The following NUCB2 variants were observed in gnomAD, a reference collection of about 807,000 sequenced individuals.
The protein encoded by NUCB2 is nucleobindin-2.
Under a neutral mutation model 57.9 loss-of-function variants are expected in NUCB2, and 48 were observed. The ratio of observed to expected loss-of-function variants is 0.83; its 90% CI spans 0.66 to 1.05. The LOEUF (loss-of-function observed/expected upper bound fraction) is 1.05. Ranked by LOEUF, NUCB2 falls within the 50% of genes least tolerant of loss-of-function variation. NUCB2 has a pLI of 0.00. For missense variants in NUCB2, 442 were observed against 476.2 expected (o/e 0.93, Z 0.67); for synonymous variants, 139 against 152.1 (o/e 0.91, Z 0.64).
At chr11:17,323,646 C>T (rs900427562) in intron 11 of NUCB2, among the ~76,000 whole-genome samples, 4 of 152,060 alleles carry the variant, frequency 2.6e-5, no homozygotes, top group Admixed American at 2.0e-4. Context: ...GTAGGATTGG[C>T]ATCAGTTTTT....
At chr11:17,285,938 C>T (rs1943669901) in intron 2 of NUCB2, among the ~76,000 whole-genome samples, 1 of 137,736 alleles carries the variant, frequency 7.3e-6, no homozygotes, top group Non-Finnish European at 1.5e-5. Context: ...TGTGCGTACA[C>T]ACACACACAC....
intron 2 of NUCB2, among the ~76,000 whole-genome samples, chr11:17,346,386 G>GA (rs1211669990): frequency 6.6e-6 from 1 of 152,168 alleles, no homozygotes; most frequent in African/African-American, 2.4e-5. Context: ...AAATCATGTG[G>GA]AAAAGCACCT....
At chr11:17,288,786 C>A (rs950631991) in intron 2 of NUCB2, among the ~76,000 whole-genome samples, 3 of 150,042 alleles carry the variant, frequency 2.0e-5, no homozygotes, top group Non-Finnish European at 3.0e-5. Context: ...AACCCCTGAC[C>A]TATGGTGATC....
chr11:17,331,355 C>T (rs1177165173), intron 13 of NUCB2, 57 bp from the exon 14 acceptor site: 1 of 1,021,156 alleles, frequency 9.8e-7, no homozygotes, highest in Non-Finnish European at 1.4e-6. Flanking sequence ...TATGAAGGAA[C>T]ATTTAGAATA....
downstream of NUCB2, among the ~76,000 whole-genome samples, chr11:17,335,543 C>T (rs1277074929): frequency 2.0e-5 from 3 of 151,932 alleles, no homozygotes; most frequent in Admixed American, 2.0e-4. Flanking sequence ...ACTCTGTCAC[C>T]CAGGCTAGAG....
At chr11:17,348,406 C>T (rs968628234) in intron 2 of NUCB2, among the ~76,000 whole-genome samples, 3 of 132,252 alleles carry the variant, frequency 2.3e-5, no homozygotes, top group African/African-American at 8.5e-5. Flanking sequence ...GCAATCATGG[C>T]TCACTGCAGC....
At chr11:17,294,769 C>T (rs752338294) in intron 2 of NUCB2, among the ~76,000 whole-genome samples, 51 of 151,534 alleles carry the variant, frequency 3.4e-4, no homozygotes, top group African/African-American at 5.1e-4. Context: ...CAATATAGGC[C>T]GGGCACAGTG....
chr11:17,291,545 C>CAA (rs61660913), intron 2 of NUCB2, among the ~76,000 whole-genome samples: 1,590 of 52,216 alleles, frequency 0.03, 146 homozygotes, highest in African/African-American at 0.1. Flanking sequence ...GACTCTGCAT[C>CAA]AAAAAAAAAA....
At chr11:17,341,953 T>G (rs1312845169) in intron 2 of NUCB2, among the ~76,000 whole-genome samples, 2 of 152,200 alleles carry the variant, frequency 1.3e-5, no homozygotes, top group Non-Finnish European at 2.9e-5. Context: ...TCCTGGACTT[T>G]TTTTGGTTGG....
At chr11:17,326,947 C>T (rs1193424937) in intron 11 of NUCB2, among the ~76,000 whole-genome samples, 1 of 152,130 alleles carries the variant, frequency 6.6e-6, no homozygotes, top group Non-Finnish European at 1.5e-5. Context: ...TTTATTTCTC[C>T]TTCATGCTTA....
At position 17,309,989 on chromosome 11, in the gene NUCB2, A is replaced by C. The variant is rs543580922; in HGVS notation, c.483+314A>C. On this transcript the variant is annotated intron_variant, in intron 6 of 13. Coordinates refer to ENST00000529010, the MANE Select transcript of NUCB2 (RefSeq NM_005013.4). ...TTATAGATTTTGCTTAAGAAATACT[A>C]GTCTGTTTGATTACAGATGCTACAG... Among the ~76,000 whole-genome samples, 5 of 152,326 alleles carry C rather than the reference A, an allele frequency of 3.3e-5. No individual in the cohort carries two copies. In the South Asian group the frequency reaches 1.0e-3, roughly 32 times the overall value.
chr11:17,335,272 T>C (rs1325097713), downstream of NUCB2, among the ~76,000 whole-genome samples: 1 of 152,140 alleles, frequency 6.6e-6, no homozygotes, highest in Non-Finnish European at 1.5e-5. Context: ...TTCTTTTGGG[T>C]AAACGTTTTT....
downstream of NUCB2, chr11:17,332,733 G>C (rs1452067936): frequency 6.6e-6 from 1 of 151,910 alleles, no homozygotes; most frequent in African/African-American, 2.4e-5. Context: ...ATTTTTTAGA[G>C]ACAGGGTCTT....
At chr11:17,314,283 T>C (rs1357569809) in intron 10 of NUCB2, among the ~76,000 whole-genome samples, 2 of 152,192 alleles carry the variant, frequency 1.3e-5, no homozygotes, top group South Asian at 2.1e-4. Context: ...CTTACCCCAC[T>C]GCAGACACTT....
intron 1 of NUCB2, among the ~76,000 whole-genome samples, chr11:17,279,653 G>A (rs185062983): frequency 6.6e-6 from 1 of 152,186 alleles, no homozygotes; most frequent in Non-Finnish European, 1.5e-5. Flanking sequence ...AAGTGAAATC[G>A]CAGATTAGGG....
intron 2 of NUCB2, among the ~76,000 whole-genome samples, chr11:17,338,037 A>G (rs1951953203): frequency 6.6e-6 from 1 of 152,246 alleles, no homozygotes; most frequent in African/African-American, 2.4e-5. Context: ...GCTATGAATT[A>G]GTAACCATTT....
At chr11:17,311,522 C>T (rs1353460497) in intron 8 of NUCB2, among the ~76,000 whole-genome samples, 1 of 152,080 alleles carries the variant, frequency 6.6e-6, no homozygotes, top group Non-Finnish European at 1.5e-5. Flanking sequence ...CTGCAAAGTT[C>T]TCTGTTAAGT....
intron 2 of NUCB2, among the ~76,000 whole-genome samples, chr11:17,341,255 C>CT (rs1208552155): frequency 2.6e-5 from 4 of 152,112 alleles, no homozygotes; most frequent in African/African-American, 9.7e-5. Flanking sequence ...ATCATGTCAT[C>CT]TGCAAACAGG....
chr11:17,314,624 G>A (rs959424893), intron 10 of NUCB2, among the ~76,000 whole-genome samples: 7 of 151,932 alleles, frequency 4.6e-5, no homozygotes, highest in East Asian at 1.9e-4. Flanking sequence ...CAATGACTAC[G>A]CTCATTTAAA....
Sources: allele counts gnomAD v4.1 joint callset (sites outside exome capture counted in the v4.1 genomes callset), GRCh38; gene constraint gnomAD v4.1.1; transcripts MANE v1.5; gene names NCBI Gene and HGNC (gene_info 2026-07-23, HGNC 2026-07-21).